PTPRT: variants seen among roughly 807,000 people sequenced by gnomAD.
The protein encoded by PTPRT is protein tyrosine phosphatase receptor type T.
PTPRT carries 56 observed loss-of-function variants against 176.8 expected under a neutral mutation model. The observed-to-expected ratio is 0.32, with a 90% CI of 0.26 to 0.40. PTPRT has a LOEUF of 0.40. Among genes scored for constraint, PTPRT ranks in the 10% least tolerant of loss-of-function variants. The pLI is 1.00. For synonymous variants in PTPRT, 783 were observed against 739.0 expected, an observed-to-expected ratio of 1.06 and a Z score of -0.96; for missense variants, 1,540 against 1,908.2, an observed-to-expected ratio of 0.81 and a Z score of 3.60.
intron 13 of PTPRT, among the ~76,000 whole-genome samples, chr20:42,259,667 C>T (rs541371056): frequency 7.2e-5 from 11 of 152,212 alleles, no homozygotes; most frequent in African/African-American, 1.7e-4. Flanking sequence ...GGTTTCAGAC[C>T]GCAGTCAAGG....
At chr20:43,084,537 C>T (rs2011552929) in intron 1 of PTPRT, among the ~76,000 whole-genome samples, 1 of 152,174 alleles carries the variant, frequency 6.6e-6, no homozygotes, top group South Asian at 2.1e-4. Context: ...AAACCGCCCC[C>T]ATGATCCAAT....
chr20:42,297,126 T>C (rs1407303253), intron 12 of PTPRT, among the ~76,000 whole-genome samples: 1 of 152,104 alleles, frequency 6.6e-6, no homozygotes, highest in Non-Finnish European at 1.5e-5. Context: ...AGAATTCAAC[T>C]AAAAAAGTAT....
chr20:42,333,568 G>A (rs567858291), intron 11 of PTPRT, among the ~76,000 whole-genome samples: 10 of 151,872 alleles, frequency 6.6e-5, no homozygotes, highest in East Asian at 3.9e-4. Context: ...TCCTGACCTC[G>A]TGATCCACCC....
At chr20:42,866,354 C>T (rs754291289) in intron 2 of PTPRT, among the ~76,000 whole-genome samples, 112 of 152,300 alleles carry the variant, frequency 7.4e-4, no homozygotes, top group Non-Finnish European at 1.2e-3. Flanking sequence ...CACAGAACTT[C>T]AAAGAATAGG....
chr20:42,843,586 C>T (rs977873234), intron 2 of PTPRT, among the ~76,000 whole-genome samples: 1 of 152,162 alleles, frequency 6.6e-6, no homozygotes, highest in African/African-American at 2.4e-5. Context: ...TAGAGTTGAG[C>T]AATAGTAAGA....
At position 42,686,960 on chromosome 20, in the gene PTPRT, C is replaced by G. The variant is rs373147434; in HGVS notation, c.860-8801G>C. Among the ~76,000 whole-genome samples, 57 of 152,234 alleles carry G rather than the reference C, an allele frequency of 3.7e-4. 2 individuals carry two copies. In the South Asian group the frequency reaches 0.012, roughly 32 times the overall value. ...TGAAAACGAGGGAAAGTTACTTAACCTCTTTGTGTCTAAACTGCCTCACCT... is the reference window on the plus strand; with the variant it reads ...TGAAAACGAGGGAAAGTTACTTAACGTCTTTGTGTCTAAACTGCCTCACCT... On this transcript the variant is annotated intron_variant, in intron 6 of 30. Transcript: ENST00000373187.
chr20:43,062,596 T>C (rs1424271805), intron 1 of PTPRT, among the ~76,000 whole-genome samples: 1 of 152,244 alleles, frequency 6.6e-6, no homozygotes, highest in Non-Finnish European at 1.5e-5. Context: ...TTTTGCAGCA[T>C]GCAATCACGT....
chr20:42,775,004 A>T lies in PTPRT; in HGVS notation c.569-3454T>A, dbSNP rs547275099. ...TTCCCCCAGCATCTGCTGCTCTGGG[A>T]GAGAACTTATATTCCACGAGCTTCA... On this transcript the variant is annotated intron_variant, in intron 4 of 30. Coordinates refer to ENST00000373187, the MANE Select transcript of PTPRT (RefSeq NM_007050.6). Among the ~76,000 whole-genome samples the T allele has an allele frequency of 1.4e-4, 22 of 152,246 alleles. No homozygotes were observed. In the South Asian group the frequency reaches 4.4e-3, roughly 30 times the overall value.
intron 1 of PTPRT, among the ~76,000 whole-genome samples, chr20:43,049,772 T>C (rs937025172): frequency 6.6e-6 from 1 of 152,162 alleles, no homozygotes; most frequent in Admixed American, 6.5e-5. Context: ...ATGCTTTAGT[T>C]AACAGCATGA....
At chr20:42,692,061 A>G (rs1030874106) in intron 6 of PTPRT, among the ~76,000 whole-genome samples, 1 of 152,250 alleles carries the variant, frequency 6.6e-6, no homozygotes, top group Non-Finnish European at 1.5e-5. Flanking sequence ...TTTAGCTAGA[A>G]CATCTTGGAA....
chr20:42,448,756 C>T (rs1179103337), intron 8 of PTPRT, among the ~76,000 whole-genome samples: 2 of 151,894 alleles, frequency 1.3e-5, no homozygotes, highest in African/African-American at 4.8e-5. Context: ...GTGTTTGCTT[C>T]AGGGGTGTCT....
intron 6 of PTPRT, among the ~76,000 whole-genome samples, chr20:42,713,007 G>A (rs544934200): frequency 1.3e-5 from 2 of 151,930 alleles, no homozygotes; most frequent in East Asian, 3.8e-4. Flanking sequence ...ACATTAAGTG[G>A]AAAAAAATAA....
intron 1 of PTPRT, among the ~76,000 whole-genome samples, chr20:42,892,488 A>T (rs1007252000): frequency 1.5e-5 from 2 of 130,494 alleles, no homozygotes; most frequent in African/African-American, 7.2e-5. Context: ...GGAGCTAAGT[A>T]AAAAAAAAAA....
intron 1 of PTPRT, among the ~76,000 whole-genome samples, chr20:42,980,895 T>C (rs1157181037): frequency 6.6e-6 from 1 of 152,184 alleles, no homozygotes; most frequent in Non-Finnish European, 1.5e-5. Context: ...GAAGCAACCA[T>C]TTGAAATGTG....
intron 1 of PTPRT, among the ~76,000 whole-genome samples, chr20:43,023,405 T>A (rs1208789093): frequency 6.6e-6 from 1 of 152,190 alleles, no homozygotes; most frequent in Admixed American, 6.5e-5. Context: ...GTAAACCAAG[T>A]GCTCATCCCC....
chr20:42,833,015 A>G (rs557305708), intron 2 of PTPRT, among the ~76,000 whole-genome samples: 83 of 152,054 alleles, frequency 5.5e-4, no homozygotes, highest in Non-Finnish European at 1.0e-3. Flanking sequence ...GCTTGAACAC[A>G]GGAGGCAGAG....
At chr20:43,075,576 C>T (rs1172214859) in intron 1 of PTPRT, among the ~76,000 whole-genome samples, 1 of 152,224 alleles carries the variant, frequency 6.6e-6, no homozygotes, top group Non-Finnish European at 1.5e-5. Flanking sequence ...AAATGTGTTA[C>T]CCAACTAGAC....
chr20:42,459,533 G>C (rs1185373320), intron 8 of PTPRT, among the ~76,000 whole-genome samples: 2 of 152,180 alleles, frequency 1.3e-5, no homozygotes, highest in Non-Finnish European at 2.9e-5. Flanking sequence ...TGGACCTAAG[G>C]GGTAGTAGTA....
At chr20:42,792,178 C>T (rs2145554691) in intron 2 of PTPRT, among the ~76,000 whole-genome samples, 1 of 152,326 alleles carries the variant, frequency 6.6e-6, no homozygotes, top group Non-Finnish European at 1.5e-5. Flanking sequence ...CCAAGCCATG[C>T]CACCCCTGCA....
Sources: gnomAD v4.1 joint callset for allele counts (sites outside exome capture counted in the v4.1 genomes callset) on GRCh38, gnomAD v4.1.1 for gene constraint, MANE v1.5 for transcripts, NCBI Gene and HGNC (gene_info 2026-07-23, HGNC 2026-07-21) for gene names.